GRK3: variants seen among roughly 807,000 people sequenced by gnomAD.
GRK3 encodes the protein adrenergic, beta, receptor kinase 2.
Under a neutral mutation model 95.7 loss-of-function variants are expected in GRK3, and 54 were observed. The ratio of observed to expected loss-of-function variants is 0.56; its 90% CI spans 0.45 to 0.71. The LOEUF is 0.71. Ranked by LOEUF, GRK3 falls within the 30% of genes least tolerant of loss-of-function variation. The pLI is 0.00. For missense variants in GRK3, 649 were observed against 851.2 expected (o/e 0.76, Z 2.96); for synonymous variants, 281 against 290.8 (o/e 0.97, Z 0.34).
At chr22:25,703,453 A>C (rs1317846941) in intron 13 of GRK3, 57 bp from the exon 14 acceptor site, 10 of 1,340,916 alleles carry the variant, frequency 7.5e-6, no homozygotes, top group Non-Finnish European at 9.6e-6. Context: ...TTAGTCAGTG[A>C]TATGTTCTAT....
At chr22:25,691,458 A>G (rs1337138051) in intron 12 of GRK3, among the ~76,000 whole-genome samples, 7 of 152,244 alleles carry the variant, frequency 4.6e-5, no homozygotes, top group Admixed American at 3.3e-4. Context: ...GCTCTGATCA[A>G]ATGTTAATAG....
At chr22:25,597,575 T>C in intron 1 of GRK3, among the ~76,000 whole-genome samples, 1 of 152,068 alleles carries the variant, frequency 6.6e-6, no homozygotes, top group East Asian at 1.9e-4. Flanking sequence ...AATTATTATG[T>C]GTCAGTTAAC....
At chr22:25,647,039 A>AG in intron 3 of GRK3, among the ~76,000 whole-genome samples, 1 of 151,120 alleles carries the variant, frequency 6.6e-6, no homozygotes, top group African/African-American at 2.4e-5. Flanking sequence ...AAAAAAAAAA[A>AG]AAAAGAAAAA....
At chr22:25,646,165 A>G (rs983294034) in intron 3 of GRK3, among the ~76,000 whole-genome samples, 1 of 152,200 alleles carries the variant, frequency 6.6e-6, no homozygotes, top group Non-Finnish European at 1.5e-5. Flanking sequence ...GTGAATCATA[A>G]ATAAGGCAAT....
intron 1 of GRK3, chr22:25,580,101 C>T (rs564492160): frequency 6.6e-6 from 1 of 152,288 alleles, no homozygotes; most frequent in South Asian, 2.1e-4. Flanking sequence ...TTTGAGGTAA[C>T]TTTCAGTTTA....
At chr22:25,565,438 G>A (rs550679802) in intron 1 of GRK3, among the ~76,000 whole-genome samples, 4 of 152,206 alleles carry the variant, frequency 2.6e-5, no homozygotes, top group Non-Finnish European at 5.9e-5. Context: ...GGCTGGACCA[G>A]CTCCATCCCT....
chr22:25,693,028 A>T (rs981266416), intron 12 of GRK3, among the ~76,000 whole-genome samples: 2 of 152,332 alleles, frequency 1.3e-5, no homozygotes, highest in East Asian at 3.9e-4. Flanking sequence ...AGTCCATTTA[A>T]CGAAAGAATC....
chr22:25,674,559 G>C, intron 8 of GRK3, 31 bp downstream of exon 8: 1 of 1,460,284 alleles, frequency 6.8e-7, no homozygotes, highest in Non-Finnish European at 9.5e-7. Context: ...TGTTTTACTG[G>C]CACTATTAAA....
chr22:25,648,350 C>G, intron 3 of GRK3: 1 of 1,287,362 alleles, frequency 7.8e-7, no homozygotes, highest in South Asian at 1.2e-5. Context: ...GTTTATGCCA[C>G]AAGTTAACAA....
intron 2 of GRK3, among the ~76,000 whole-genome samples, chr22:25,610,050 A>G (rs1354016154): frequency 6.6e-6 from 1 of 150,908 alleles, no homozygotes; most frequent in African/African-American, 2.4e-5. Flanking sequence ...ACAGGGTTTC[A>G]CCATGTTGGC....
intron 2 of GRK3, among the ~76,000 whole-genome samples, chr22:25,629,546 A>G (rs933162533): frequency 6.6e-6 from 1 of 152,180 alleles, no homozygotes; most frequent in African/African-American, 2.4e-5. Context: ...GATGACTTCG[A>G]TGTCTTTTCT....
intron 2 of GRK3, among the ~76,000 whole-genome samples, chr22:25,629,381 C>T (rs991520520): frequency 5.9e-5 from 9 of 152,126 alleles, no homozygotes; most frequent in East Asian, 1.9e-4. Context: ...GCAGGATTTA[C>T]GGTAAATAGG....
chr22:25,646,091 T>G (rs905886952), intron 3 of GRK3, among the ~76,000 whole-genome samples: 6 of 152,118 alleles, frequency 3.9e-5, no homozygotes, highest in African/African-American at 1.4e-4. Flanking sequence ...TAACATTATA[T>G]AAGGACTCTA....
intron 2 of GRK3, among the ~76,000 whole-genome samples, chr22:25,607,133 C>T (rs1031307132): frequency 3.3e-5 from 5 of 152,046 alleles, no homozygotes; most frequent in African/African-American, 7.3e-5. Flanking sequence ...AGATTTGATA[C>T]ATTTCACCAT....
chr22:25,652,354 C>T (rs2084838116), intron 3 of GRK3, among the ~76,000 whole-genome samples: 1 of 152,102 alleles, frequency 6.6e-6, no homozygotes, highest in South Asian at 2.1e-4. Context: ...TGGCGTGAAC[C>T]CGGGAGGCGG....
At chr22:25,607,579 T>C (rs187492193) in intron 2 of GRK3, among the ~76,000 whole-genome samples, 1 of 151,978 alleles carries the variant, frequency 6.6e-6, no homozygotes, top group East Asian at 1.9e-4. Context: ...AAAAAATTTT[T>C]ATTTATTTAT....
At chr22:25,639,675 C>T (rs914212407) in intron 2 of GRK3, among the ~76,000 whole-genome samples, 28 of 152,074 alleles carry the variant, frequency 1.8e-4, no homozygotes, top group African/African-American at 6.5e-4. Context: ...TATATATTTT[C>T]GAATCAGCTT....
intron 1 of GRK3, among the ~76,000 whole-genome samples, chr22:25,567,742 A>T (rs1163299035): frequency 6.6e-6 from 1 of 152,216 alleles, no homozygotes; most frequent in African/African-American, 2.4e-5. Flanking sequence ...TATTTCCAGC[A>T]AATTATTTGC....
intron 7 of GRK3, among the ~76,000 whole-genome samples, chr22:25,672,971 C>T (rs922659238): frequency 1.3e-5 from 2 of 148,470 alleles, no homozygotes; most frequent in Admixed American, 6.7e-5. Context: ...AATCTCCCTT[C>T]TCATAGGCTT....
Sources: gnomAD v4.1 joint callset for allele counts (sites outside exome capture counted in the v4.1 genomes callset) on GRCh38, gnomAD v4.1.1 for gene constraint, MANE v1.5 for transcripts, NCBI Gene and HGNC (gene_info 2026-07-23, HGNC 2026-07-21) for gene names.